DYRK1A: variants seen among roughly 807,000 people sequenced by gnomAD.
The protein encoded by DYRK1A is dual specificity tyrosine-phosphorylation-regulated kinase 1A.
In DYRK1A, 9 loss-of-function variants were observed where a neutral mutation model predicts 79.7. That is an observed-to-expected ratio of 0.11 (90% CI 0.07 to 0.20). The LOEUF is 0.20. Among genes scored for constraint, DYRK1A ranks in the 10% least tolerant of loss-of-function variants. The pLI, the probability that DYRK1A is intolerant of heterozygous loss-of-function variation, is 1.00. For synonymous variants in DYRK1A, 349 were observed against 329.7 expected (o/e 1.06, Z -0.63); for missense variants, 622 against 956.0 (o/e 0.65, Z 4.61).
chr21:37,401,516 C>G (rs978196791), intron 1 of DYRK1A, among the ~76,000 whole-genome samples: 2 of 142,950 alleles, frequency 1.4e-5, no homozygotes, highest in Non-Finnish European at 3.0e-5. Context: ...GAGTTTCGCT[C>G]TTGTTGCCCA....
At chr21:37,432,938 T>C (rs2050817600) in intron 2 of DYRK1A, among the ~76,000 whole-genome samples, 1 of 150,168 alleles carries the variant, frequency 6.7e-6, no homozygotes, top group Non-Finnish European at 1.5e-5. Flanking sequence ...ATCGCGCCAT[T>C]GCACTCCAGC....
intron 2 of DYRK1A, among the ~76,000 whole-genome samples, chr21:37,458,491 G>A (rs1412984297): frequency 6.6e-6 from 1 of 152,080 alleles, no homozygotes; most frequent in Non-Finnish European, 1.5e-5. Context: ...GCAACTCTGT[G>A]TGTAACGTTT....
rs974081335 is a variant in DYRK1A, at chr21:37,505,224, T to C, written c.1213-59T>C. On this transcript the variant is annotated intron_variant, in intron 9 of 11. Coordinates refer to ENST00000647188, the MANE Select transcript of DYRK1A (RefSeq NM_001347721.2). ...TTTAAACATATTTGAAATTCAATTA[T>C]GTGAGTGTTTACGTATTCCACCAAA... 22 of 1,313,772 alleles carry C rather than the reference T, an allele frequency of 1.7e-5. No homozygotes were observed. In the African/African-American group the frequency reaches 3.3e-4, roughly 19 times the overall value. The allele number at this position is 1,313,772 out of a possible 1,614,324, so 81.4% of individuals were successfully genotyped here.
chr21:37,480,164 T>C (rs1467685302), intron 4 of DYRK1A, among the ~76,000 whole-genome samples: 1 of 152,176 alleles, frequency 6.6e-6, no homozygotes, highest in East Asian at 1.9e-4. Flanking sequence ...TTCATGCAAG[T>C]TACAGAAGAG....
chr21:37,483,230 G>A (rs1215961112), intron 5 of DYRK1A, among the ~76,000 whole-genome samples: 1 of 152,124 alleles, frequency 6.6e-6, no homozygotes, highest in Non-Finnish European at 1.5e-5. Context: ...ATTAATTTGG[G>A]GAACTAATAA....
chr21:37,436,027 G>A (rs1380238198), intron 2 of DYRK1A, among the ~76,000 whole-genome samples: 1 of 152,150 alleles, frequency 6.6e-6, no homozygotes. Flanking sequence ...GGAACATGAG[G>A]TGAAGAATAA....
At chr21:37,423,997 A>G (rs958581026) in intron 2 of DYRK1A, among the ~76,000 whole-genome samples, 5 of 152,126 alleles carry the variant, frequency 3.3e-5, no homozygotes, top group African/African-American at 1.2e-4. Context: ...AGTGATCACA[A>G]ATGGGGTGTA....
At chr21:37,482,301 C>T (rs565681841) in intron 5 of DYRK1A, among the ~76,000 whole-genome samples, 2 of 152,136 alleles carry the variant, frequency 1.3e-5, no homozygotes, top group Non-Finnish European at 2.9e-5. Context: ...TCTATTTTCC[C>T]TAAGCGTCGG....
chr21:37,522,299 T>C lies in DYRK1A; in HGVS notation c.*9768T>C, dbSNP rs2053940240. On this transcript the variant is annotated 3_prime_UTR_variant, in exon 12 of 12. Coordinates refer to ENST00000647188, the MANE Select transcript of DYRK1A (RefSeq NM_001347721.2). Reference sequence around the variant, plus strand: ...CATTTGAACAAGGTCCCCAGGTCATTCATGCACATTCAAAGTCAGAGACAC... The same window carrying C: ...CATTTGAACAAGGTCCCCAGGTCATCCATGCACATTCAAAGTCAGAGACAC... 1 of 152,166 alleles carries C rather than the reference T, an allele frequency of 6.6e-6. No individual in the cohort carries two copies. The highest frequency in any genetic ancestry group is 1.5e-5 in the Non-Finnish European group (1 of 68,044). 9.4% of individuals were successfully genotyped at this position (152,166 alleles called of 1,614,324 possible). A position where few individuals can be genotyped will look rare whatever the true frequency, so the allele number is the denominator to read the frequency against.
chr21:37,441,994 G>A lies in DYRK1A; in HGVS notation c.10+21610G>A, dbSNP rs571067056. 2.8e-4 allele frequency among the ~76,000 whole-genome samples: 41 copies of A among 149,012 alleles called. 1 individual carries two copies. The South Asian group carries it at 8.2e-3, about 30-fold the overall frequency. On this transcript the variant is annotated intron_variant, in intron 2 of 11. Coordinates refer to ENST00000647188, the MANE Select transcript of DYRK1A (RefSeq NM_001347721.2). ...TTTTTTTTGACAGATATTTTCAGTG[G>A]GTATGGAACTCTAAATGACACTTTT...
chr21:37,365,966 AG>A (rs1350310645), upstream of DYRK1A: 1 of 152,096 alleles, frequency 6.6e-6, no homozygotes, highest in Non-Finnish European at 1.5e-5. Flanking sequence ...GCCCGACCGG[AG>A]CCAGGTGCCA....
chr21:37,413,506 G>T (rs1402506101), intron 1 of DYRK1A, among the ~76,000 whole-genome samples: 1 of 152,144 alleles, frequency 6.6e-6, no homozygotes, highest in Non-Finnish European at 1.5e-5. Flanking sequence ...GTTTTCCAGT[G>T]CATTTCTTAT....
At chr21:37,366,338 G>C (rs987115198), upstream of DYRK1A, among the ~76,000 whole-genome samples, 7 of 144,976 alleles carry the variant, frequency 4.8e-5, no homozygotes, top group Non-Finnish European at 9.2e-5. Context: ...CGGAAGCGCG[G>C]GGCGCTAGGG....
intron 1 of DYRK1A, among the ~76,000 whole-genome samples, chr21:37,408,857 C>CTA (rs1379991834): frequency 6.6e-6 from 1 of 152,184 alleles, no homozygotes; most frequent in Non-Finnish European, 1.5e-5. Flanking sequence ...GTAGTTGAGA[C>CTA]TATTAGCCTT....
chr21:37,386,885 G>C (rs1025830041), intron 1 of DYRK1A, among the ~76,000 whole-genome samples: 1 of 152,214 alleles, frequency 6.6e-6, no homozygotes, highest in Non-Finnish European at 1.5e-5. Context: ...TATTTTTCTT[G>C]TAGCTGGATA....
chr21:37,489,420 T>G (rs2052997301), intron 6 of DYRK1A, among the ~76,000 whole-genome samples: 1 of 151,998 alleles, frequency 6.6e-6, no homozygotes, highest in African/African-American at 2.4e-5. Flanking sequence ...TTTTAGAGGG[T>G]CAACAGTGAT....
At chr21:37,467,187 C>T (rs1337715187) in intron 2 of DYRK1A, among the ~76,000 whole-genome samples, 1 of 151,726 alleles carries the variant, frequency 6.6e-6, no homozygotes, top group Admixed American at 6.6e-5. Flanking sequence ...ACCAGTGAAT[C>T]TACCACACAC....
At position 37,505,450 on chromosome 21, in the gene DYRK1A, A is replaced by G. The variant is rs370029826; in HGVS notation, c.1380A>G (p.Gln460=). 2.5e-6 allele frequency: 4 copies of G among 1,614,028 alleles called. No individual in the cohort carries two copies. The African/African-American group carries it at 4.0e-5, about 16-fold the overall frequency. ...ATTATGACCCCAAAACTCGAATTCAACCTTATTATGCTCTGCAGCACAGTT... is the reference window on the plus strand; with the variant it reads ...ATTATGACCCCAAAACTCGAATTCAGCCTTATTATGCTCTGCAGCACAGTT... ...MLDYDPKTRI[Q]PYYALQHSFF... Residue 460 remains glutamine (Q), a synonymous_variant, in exon 10 of 12, where the codon CAA becomes CAG. Transcript: ENST00000647188.
chr21:37,478,346 T>C (rs1332040087), intron 4 of DYRK1A, 46 bp downstream of exon 4: 1 of 1,565,422 alleles, frequency 6.4e-7, no homozygotes, highest in Admixed American at 1.8e-5. Context: ...CAGTATGTCA[T>C]TGAGAAAAAA....
Sources: gnomAD v4.1 joint callset for allele counts (sites outside exome capture counted in the v4.1 genomes callset) on GRCh38, gnomAD v4.1.1 for gene constraint, MANE v1.5 for transcripts, NCBI Gene and HGNC (gene_info 2026-07-23, HGNC 2026-07-21) for gene names.